The following TBL1XR1 variants were observed in gnomAD, a reference collection of about 807,000 sequenced individuals.
TBL1XR1 encodes the protein F-box-like/WD repeat-containing protein TBL1XR1.
In TBL1XR1, 5 loss-of-function variants were observed where a neutral mutation model predicts 66.9. That is an observed-to-expected ratio of 0.07 (90% CI 0.04 to 0.16). The LOEUF is 0.16. Among genes scored for constraint, TBL1XR1 ranks in the 10% least tolerant of loss-of-function variants. The probability of loss-of-function intolerance (pLI) is 1.00; values close to 1 mark genes in which losing one functional copy is unlikely to be tolerated. For missense variants in TBL1XR1, 238 were observed against 623.2 expected (o/e 0.38, Z 6.58); for synonymous variants, 210 against 206.0 (o/e 1.02, Z -0.17).
intron 14 of TBL1XR1, chr3:177,032,243 A>AG (rs1714106060): frequency 1.3e-5 from 2 of 152,222 alleles, no homozygotes; most frequent in African/African-American, 4.8e-5. Flanking sequence ...ACAAGGTTTG[A>AG]GGTTTTTTCT....
chr3:177,116,602 C>T (rs1407252537), intron 1 of TBL1XR1, among the ~76,000 whole-genome samples: 1 of 152,120 alleles, frequency 6.6e-6, no homozygotes, highest in Non-Finnish European at 1.5e-5. Flanking sequence ...AGCTTTGTAA[C>T]TTGAATGCCG....
In TBL1XR1 at chr3:177,093,489, T is replaced by C. The variant is rs564915024; in HGVS notation, c.-46+4977A>G. 3.9e-5 allele frequency among the ~76,000 whole-genome samples: 6 copies of C among 152,144 alleles called. No homozygotes were observed. In the South Asian group the frequency reaches 1.0e-3, roughly 26 times the overall value. ...AAAAAACAGTCCTAAATTTCTATGG[T>C]ATCAAAGAAGAGCCCACATAGCCAA... On this transcript the variant is annotated intron_variant, in intron 2 of 15. Transcript: ENST00000457928.
At chr3:177,145,949 AAAGT>A in intron 1 of TBL1XR1, among the ~76,000 whole-genome samples, 1 of 152,350 alleles carries the variant, frequency 6.6e-6, no homozygotes, top group East Asian at 1.9e-4. Flanking sequence ...CCTCCAAACA[AAAGT>A]AATTTGCATT....
intron 1 of TBL1XR1, among the ~76,000 whole-genome samples, chr3:177,104,450 C>T (rs1303443831): frequency 1.3e-5 from 2 of 152,182 alleles, no homozygotes; most frequent in Non-Finnish European, 2.9e-5. Context: ...TGTCCTCACC[C>T]GATCCTCATT....
chr3:177,069,760 GAAAGA>G (rs1719645642), intron 2 of TBL1XR1, among the ~76,000 whole-genome samples: 2 of 128,606 alleles, frequency 1.6e-5, no homozygotes, highest in Non-Finnish European at 3.3e-5. Context: ...GAAAGGAAAG[GAAAGA>G]AAGGAAGGAA....
intron 1 of TBL1XR1, among the ~76,000 whole-genome samples, chr3:177,192,371 G>A (rs973401488): frequency 2.7e-5 from 4 of 147,666 alleles, no homozygotes; most frequent in Non-Finnish European, 4.4e-5. Context: ...CTCCAACCTG[G>A]GCAACAAACA....
chr3:177,131,910 A>ATTT (rs1728342929), intron 1 of TBL1XR1, among the ~76,000 whole-genome samples: 2 of 145,882 alleles, frequency 1.4e-5, no homozygotes, highest in Admixed American at 1.4e-4. Context: ...GAAGTTTAAA[A>ATTT]AAAAAAAAAA....
chr3:177,143,434 C>A (rs1729862667), intron 1 of TBL1XR1, among the ~76,000 whole-genome samples: 1 of 151,874 alleles, frequency 6.6e-6, no homozygotes. Flanking sequence ...TTATGTCAAC[C>A]ACTTTAATGT....
In TBL1XR1 at chr3:177,050,555, T is replaced by C. The variant is rs1459431989; in HGVS notation, c.483A>G (p.Lys161=). 1 of 1,613,670 alleles carries C rather than the reference T, an allele frequency of 6.2e-7. No individual in the cohort carries two copies. Among genetic ancestry groups the C allele is most frequent in the African/African-American group, 1.3e-5 (1 of 74,896 alleles). The part of the protein sequence containing the change: ...VDGDVEIPPN[K]AVVLRGHESE... Reference sequence around the variant, plus strand: ...ATTCATGGCCCCGCAACACAACAGCTTTATTAGGAGGGATTTCAACATCCC... The same window carrying C: ...ATTCATGGCCCCGCAACACAACAGCCTTATTAGGAGGGATTTCAACATCCC... Residue 161 remains lysine, a synonymous_variant, in exon 6 of 16, where the codon AAA becomes AAG. Coordinates refer to ENST00000457928, the MANE Select transcript of TBL1XR1 (RefSeq NM_024665.7).
chr3:177,151,097 A>G (rs1730828591), intron 1 of TBL1XR1, among the ~76,000 whole-genome samples: 1 of 152,218 alleles, frequency 6.6e-6, no homozygotes, highest in South Asian at 2.1e-4. Flanking sequence ...CCTTTATTTT[A>G]TAGATAGCAC....
rs1207928186 is a variant in TBL1XR1 at position 177,080,037 on chromosome 3, A to G, written c.-45-15015T>C. ...CTAAAGATGAATTTAGGAAGAATCA[A>G]TCAAATGTAAGATTTCTGTTAACAG... is the stretch of plus-strand genomic sequence containing the variant. On this transcript the variant is annotated intron_variant, in intron 2 of 15. Transcript: ENST00000457928. The G allele has an allele frequency of 2.0e-5, 3 of 152,208 alleles. No individual in the cohort carries two copies. In the East Asian group the frequency reaches 5.8e-4, roughly 29 times the overall value. The allele number at this position is 152,208 out of a possible 1,614,324, so 9.4% of individuals were successfully genotyped here. A position where few individuals can be genotyped will look rare whatever the true frequency, so the allele number is the denominator to read the frequency against.
Position 177,114,679 on chromosome 3 carries a change from A to G in TBL1XR1, c.-121-16138T>C, listed in dbSNP as rs1487051263. On this transcript the variant is annotated intron_variant, in intron 1 of 15. Transcript: ENST00000457928. The stretch of plus-strand genomic sequence containing the variant: ...TGTCACTTTTTTAAAATTAAAAAGA[A>G]AAAAAAAAAAGTTTGGCCAGATACG... Among the ~76,000 whole-genome samples the G allele has an allele frequency of 2.1e-5, 3 of 139,684 alleles. No homozygotes were observed. The East Asian group carries it at 5.8e-4, about 27-fold the overall frequency. The allele number at this position is 139,684 out of a possible 152,430, so 91.6% of individuals were successfully genotyped here.
At chr3:177,174,361 A>G (rs188651939) in intron 1 of TBL1XR1, among the ~76,000 whole-genome samples, 137 of 143,804 alleles carry the variant, frequency 9.5e-4, no homozygotes, top group African/African-American at 3.4e-3. Context: ...GTGAGCTGAG[A>G]TAGTGCCACT....
intron 1 of TBL1XR1, among the ~76,000 whole-genome samples, chr3:177,137,787 T>C (rs1729170152): frequency 6.6e-6 from 1 of 152,072 alleles, no homozygotes. Flanking sequence ...CTGGGCAACA[T>C]GGCAAAACCC....
chr3:177,135,337 A>G (rs60973084), intron 1 of TBL1XR1, among the ~76,000 whole-genome samples: 7 of 20,760 alleles, frequency 3.4e-4, no homozygotes, highest in Admixed American at 3.1e-3. Flanking sequence ...GTGTGTGTAT[A>G]CATATATATA....
chr3:177,157,557 T>C (rs1006918487), intron 1 of TBL1XR1, among the ~76,000 whole-genome samples: 1 of 152,214 alleles, frequency 6.6e-6, no homozygotes, highest in Non-Finnish European at 1.5e-5. Context: ...GAGGATTACC[T>C]TGGCATCACT....
intron 1 of TBL1XR1, among the ~76,000 whole-genome samples, chr3:177,138,928 T>C (rs1206357079): frequency 6.6e-6 from 1 of 152,100 alleles, no homozygotes; most frequent in Non-Finnish European, 1.5e-5. Context: ...CCTGACCCCA[T>C]TTCACAGAAC....
At position 177,020,777 on chromosome 3, in the gene TBL1XR1, T is replaced by G. The variant is rs1423863462; in HGVS notation, c.*4721A>C. ...CATAATATCAAAATATATTTTATTC[T>G]GGACCTCTTTCAGATCTGATTCAAA... On this transcript the variant is annotated 3_prime_UTR_variant, in exon 16 of 16. Transcript: ENST00000457928. 1 of 152,192 alleles carries G rather than the reference T, an allele frequency of 6.6e-6. No homozygotes were observed. Among genetic ancestry groups the G allele is most frequent in the African/African-American group, 2.4e-5 (1 of 41,450 alleles). 9.4% of individuals were successfully genotyped at this position (152,192 alleles called of 1,614,324 possible).
At chr3:177,173,582 G>C (rs1318417280) in intron 1 of TBL1XR1, among the ~76,000 whole-genome samples, 1 of 152,140 alleles carries the variant, frequency 6.6e-6, no homozygotes, top group Admixed American at 6.5e-5. Context: ...TCATGAAAAA[G>C]GGGAAAGACT....
Sources: allele counts gnomAD v4.1 joint callset (sites outside exome capture counted in the v4.1 genomes callset), GRCh38; gene constraint gnomAD v4.1.1; transcripts MANE v1.5; gene names NCBI Gene and HGNC (gene_info 2026-07-23, HGNC 2026-07-21).